The following FOXJ3 variants were observed in gnomAD, a reference collection of about 807,000 sequenced individuals.
The protein encoded by FOXJ3 is forkhead box protein J3.
In FOXJ3, 22 loss-of-function variants were observed where a neutral mutation model predicts 76.1. The observed-to-expected ratio is 0.29, with a 90% CI of 0.21 to 0.41. The LOEUF (loss-of-function observed/expected upper bound fraction) is 0.41, where lower values mean the gene tolerates loss of function less well. FOXJ3 is among the 10% of genes least tolerant of loss of function. The probability of loss-of-function intolerance (pLI) is 1.00; values close to 1 mark genes in which losing one functional copy is unlikely to be tolerated. For missense variants in FOXJ3, 613 were observed against 762.1 expected, an observed-to-expected ratio of 0.80 and a Z score of 2.30; for synonymous variants, 269 against 261.2, an observed-to-expected ratio of 1.03 and a Z score of -0.29.
chr1:42,186,234 G>C (rs1407086972), intron 11 of FOXJ3, among the ~76,000 whole-genome samples: 1 of 152,044 alleles, frequency 6.6e-6, no homozygotes, highest in African/African-American at 2.4e-5. Flanking sequence ...AAGCAGGCTG[G>C]ACACGTAAAA....
At chr1:42,246,624 T>C (rs568211828) in intron 4 of FOXJ3, among the ~76,000 whole-genome samples, 26 of 151,552 alleles carry the variant, frequency 1.7e-4, no homozygotes, top group African/African-American at 6.3e-4. Flanking sequence ...AACAGTATGT[T>C]GCTTTCTAAA....
intron 7 of FOXJ3, among the ~76,000 whole-genome samples, chr1:42,197,767 T>TCC (rs1019244377): frequency 6.6e-6 from 1 of 151,934 alleles, no homozygotes; most frequent in African/African-American, 2.4e-5. Flanking sequence ...CAAGTGATCC[T>TCC]CCCTTCTCAG....
At chr1:42,272,514 G>A (rs1468632526) in intron 3 of FOXJ3, among the ~76,000 whole-genome samples, 1 of 152,162 alleles carries the variant, frequency 6.6e-6, no homozygotes, top group African/African-American at 2.4e-5. Flanking sequence ...AGTAATCTCT[G>A]GAAATATTAA....
intron 1 of FOXJ3, among the ~76,000 whole-genome samples, chr1:42,324,104 G>GTGTATATATAGTGTATATATACAGTA (rs776964079): frequency 0.01 from 894 of 88,856 alleles, 101 homozygotes; most frequent in African/African-American, 0.041. Context: ...TATATACTGT[G>GTGTATATATAGTGTATATATACAGTA]TATATACACT....
rs1646620835 is a variant in FOXJ3 at position 42,194,873 on chromosome 1, A to G, written c.934+17T>C. On this transcript the variant is annotated intron_variant, in intron 8 of 12. Transcript: ENST00000361346. ...CCAATAAAACTTTGTTATAAAAAAG[A>G]TTTTAAGAAAACTCACCTTGTTGAC... The G allele has an allele frequency of 6.5e-7, 1 of 1,537,300 alleles. No homozygotes were observed. Among genetic ancestry groups the G allele is most frequent in the Admixed American group, 2.2e-5 (1 of 45,692 alleles).
intron 2 of FOXJ3, among the ~76,000 whole-genome samples, chr1:42,286,868 AGG>A (rs1653090482): frequency 6.6e-6 from 1 of 151,926 alleles, no homozygotes; most frequent in Non-Finnish European, 1.5e-5. Flanking sequence ...TCCTGACCTC[AGG>A]TGATCCGCCT....
At chr1:42,333,942 C>G (rs764261903) in intron 1 of FOXJ3, among the ~76,000 whole-genome samples, 15 of 152,290 alleles carry the variant, frequency 9.8e-5, no homozygotes, top group African/African-American at 3.6e-4. Context: ...AAAACACACA[C>G]AAATAAATCT....
chr1:42,212,967 A>C (rs1162567881), intron 5 of FOXJ3, among the ~76,000 whole-genome samples: 1 of 144,918 alleles, frequency 6.9e-6, no homozygotes, highest in East Asian at 2.0e-4. Flanking sequence ...CAAAAAAAAA[A>C]AAAACAAAAA....
chr1:42,267,911 C>T (rs913960730), intron 3 of FOXJ3, among the ~76,000 whole-genome samples: 1 of 151,758 alleles, frequency 6.6e-6, no homozygotes, highest in Admixed American at 6.6e-5. Context: ...GGTAGAGTAA[C>T]AGAAATTTCC....
At chr1:42,183,794 C>T (rs1320347465) in intron 11 of FOXJ3, among the ~76,000 whole-genome samples, 3 of 152,088 alleles carry the variant, frequency 2.0e-5, no homozygotes, top group Non-Finnish European at 4.4e-5. Context: ...GAAAGCCAGA[C>T]TATCCAGGCT....
In FOXJ3 at chr1:42,302,493, C is replaced by T. The variant is rs545283911; in HGVS notation, c.44+8557G>A. ...GTCTCCCAATAGCAGGGCACAAGCA[C>T]CAGGTATGGGGGGCAGGGGAGAGCT... On this transcript the variant is annotated intron_variant, in intron 2 of 12. Coordinates refer to ENST00000361346, the MANE Select transcript of FOXJ3 (RefSeq NM_014947.5). Among the ~76,000 whole-genome samples, 5 of 152,318 alleles carry T rather than the reference C, an allele frequency of 3.3e-5. No homozygotes were observed. The South Asian group carries it at 1.0e-3, about 32-fold the overall frequency.
intron 5 of FOXJ3, among the ~76,000 whole-genome samples, chr1:42,225,266 ACATTT>A (rs1469386186): frequency 1.3e-5 from 2 of 152,218 alleles, no homozygotes; most frequent in Non-Finnish European, 2.9e-5. Context: ...TTTACCATCT[ACATTT>A]AACTTTTATC....
rs116604801 is a variant in FOXJ3, at chr1:42,186,531, G to A, written c.1645+2206C>T. On this transcript the variant is annotated intron_variant, in intron 11 of 12. Transcript: ENST00000361346. Reference sequence around the variant, plus strand: ...GAGGGCCCTAACAAAAGAGATGACAGAAAAAATTAACAGAATCACAGAACA... The same window carrying A: ...GAGGGCCCTAACAAAAGAGATGACAAAAAAAATTAACAGAATCACAGAACA... 4.8e-3 allele frequency among the ~76,000 whole-genome samples: 730 copies of A among 152,176 alleles called. 15 individuals carry two copies. The highest frequency in any genetic ancestry group is 0.017 in the African/African-American group (709 of 41,472).
At position 42,237,405 on chromosome 1, in the gene FOXJ3, C is replaced by CATAT. The variant is rs60560055; in HGVS notation, c.445-9443_445-9440dup. ...ATATATATATATACATACATACATA[C>CATAT]ATATATATATATATATATATATACA... On this transcript the variant is annotated intron_variant, in intron 4 of 12. Coordinates refer to ENST00000361346, the MANE Select transcript of FOXJ3 (RefSeq NM_014947.5). Among the ~76,000 whole-genome samples the CATAT allele has an allele frequency of 6.5e-3, 917 of 140,742 alleles. 6 individuals are homozygous for CATAT. The highest frequency in any genetic ancestry group is 8.5e-3 in the African/African-American group (317 of 37,278). 92.3% of individuals were successfully genotyped at this position (140,742 alleles called of 152,430 possible).
At chr1:42,191,196 A>C in intron 9 of FOXJ3, 107 bp downstream of exon 9, 2 of 1,002,546 alleles carry the variant, frequency 2.0e-6, no homozygotes, top group Non-Finnish European at 2.9e-6. Flanking sequence ...TAGCAAGGAA[A>C]CAGATGTAAA....
chr1:42,263,411 A>G (rs552889872), intron 4 of FOXJ3, among the ~76,000 whole-genome samples: 1 of 152,348 alleles, frequency 6.6e-6, no homozygotes, highest in African/African-American at 2.4e-5. Context: ...GTCTCTTAAA[A>G]ATATTTTTCA....
intron 3 of FOXJ3, among the ~76,000 whole-genome samples, chr1:42,275,273 A>C (rs1652175497): frequency 6.6e-6 from 1 of 152,236 alleles, no homozygotes; most frequent in South Asian, 2.1e-4. Flanking sequence ...GGAAGGCCTA[A>C]GAGAAACTAA....
At chr1:42,208,079 C>T (rs72952330) in intron 5 of FOXJ3, among the ~76,000 whole-genome samples, 3,227 of 152,246 alleles carry the variant, frequency 0.021, 101 homozygotes, top group African/African-American at 0.073. Flanking sequence ...GTAAATTACT[C>T]GAACTTTATG....
At chr1:42,237,660 T>A (rs1375407107) in intron 4 of FOXJ3, among the ~76,000 whole-genome samples, 4 of 151,864 alleles carry the variant, frequency 2.6e-5, no homozygotes, top group Non-Finnish European at 5.9e-5. Flanking sequence ...ATTTTCATTT[T>A]ACGATATGTG....
Sources: allele counts gnomAD v4.1 joint callset (sites outside exome capture counted in the v4.1 genomes callset), GRCh38; gene constraint gnomAD v4.1.1; transcripts MANE v1.5; gene names NCBI Gene and HGNC (gene_info 2026-07-23, HGNC 2026-07-21).